CCDC3: variants seen among roughly 807,000 people sequenced by gnomAD.
The protein encoded by CCDC3 is coiled-coil domain-containing protein 3.
A neutral mutation model predicts 21.4 loss-of-function variants in CCDC3; 24 were observed. That is an observed-to-expected ratio of 1.12 (90% CI 0.81 to 1.58). The LOEUF (loss-of-function observed/expected upper bound fraction) is 1.58. Among genes scored for constraint, CCDC3 ranks in the 40% most tolerant of loss-of-function variants. The pLI is 0.00. For synonymous variants in CCDC3, 186 were observed against 166.0 expected, an observed-to-expected ratio of 1.12 and a Z score of -0.93; for missense variants, 425 against 360.9, an observed-to-expected ratio of 1.18 and a Z score of -1.44.
rs761186966 is a variant in CCDC3 at position 12,898,518 on chromosome 10, G to C, written c.711C>G (p.His237Gln). The C allele has an allele frequency of 6.2e-7, 1 of 1,614,164 alleles. No homozygotes were observed. The highest frequency in any genetic ancestry group is 8.5e-7 in the Non-Finnish European group (1 of 1,180,010). ...TGAGTTTCTGGTTCGCCAGCTCCAGGTGGCGGCCCTTCTTACGCGCCTGCC... is the reference window on the plus strand; with the variant it reads ...TGAGTTTCTGGTTCGCCAGCTCCAGCTGGCGGCCCTTCTTACGCGCCTGCC... ...SLRQARKKGR[H>Q]LELANQKLSE... Residue 237 changes from histidine (H) to glutamine (Q), a missense_variant, in exon 3 of 3, where the codon CAC becomes CAG. Physicochemically the swap from His to Gln is conservative, Grantham distance 24. Coordinates refer to ENST00000378825, the MANE Select transcript of CCDC3 (RefSeq NM_031455.4).
chr10:13,044,318 G>A (rs947757390), intron 5 of CCDC3, among the ~76,000 whole-genome samples: 2 of 152,176 alleles, frequency 1.3e-5, no homozygotes, highest in African/African-American at 4.8e-5. Context: ...TGTTTATTAT[G>A]TTAATAGTTT....
intron 2 of CCDC3, among the ~76,000 whole-genome samples, chr10:12,993,399 A>C (rs755365690): frequency 1.3e-4 from 20 of 152,172 alleles, no homozygotes; most frequent in Non-Finnish European, 2.1e-4. Context: ...AGCTTAGAGA[A>C]GGGTAACACC....
chr10:13,094,575 T>C (rs1260335138), intron 3 of CCDC3, among the ~76,000 whole-genome samples: 2 of 151,812 alleles, frequency 1.3e-5, no homozygotes, highest in Non-Finnish European at 2.9e-5. Context: ...TTTTTAAACA[T>C]GAGGCAGGCC....
In CCDC3 at chr10:12,953,069, G is replaced by A. The variant is rs773303910; in HGVS notation, c.549+45269C>T. Among the ~76,000 whole-genome samples the A allele has an allele frequency of 5.4e-5, 8 of 147,054 alleles. 1 individual carries two copies. The highest frequency in any genetic ancestry group is 4.4e-4 in the South Asian group (2 of 4,506). ...TCACACTGCTGATAAAGACGTACCC[G>A]AGACTGGGTAATTTATACAGGAAAA... On this transcript the variant is annotated intron_variant, in intron 2 of 2. Coordinates refer to ENST00000378825, the MANE Select transcript of CCDC3 (RefSeq NM_031455.4).
intron 5 of CCDC3, among the ~76,000 whole-genome samples, chr10:13,041,796 G>A (rs370151715): frequency 5.9e-5 from 9 of 151,540 alleles, no homozygotes; most frequent in East Asian, 5.8e-4. Context: ...CCCTGGCAGC[G>A]AATCTTGATG....
chr10:12,978,249 C>T (rs951057885), intron 2 of CCDC3, among the ~76,000 whole-genome samples: 4 of 151,988 alleles, frequency 2.6e-5, no homozygotes, highest in African/African-American at 9.7e-5. Context: ...AAACTCCTGA[C>T]CTCAGGTGAT....
At chr10:12,948,725 G>A (rs1365747900) in intron 2 of CCDC3, among the ~76,000 whole-genome samples, 2 of 100,996 alleles carry the variant, frequency 2.0e-5, no homozygotes, top group Non-Finnish European at 3.8e-5. Context: ...CATTTTTAAG[G>A]CAGTTTTTTT....
chr10:12,937,346 G>A (rs905160859), intron 2 of CCDC3, among the ~76,000 whole-genome samples: 5 of 152,154 alleles, frequency 3.3e-5, no homozygotes, highest in African/African-American at 1.2e-4. Flanking sequence ...CCTACGTAGA[G>A]CATTTCCTTT....
chr10:13,024,590 T>C (rs992500139), intron 5 of CCDC3, among the ~76,000 whole-genome samples: 3 of 152,194 alleles, frequency 2.0e-5, no homozygotes, highest in Non-Finnish European at 4.4e-5. Flanking sequence ...AGACTAGGAA[T>C]GAAAAACAAT....
intron 2 of CCDC3, among the ~76,000 whole-genome samples, chr10:12,980,480 C>G (rs1835480047): frequency 6.6e-6 from 1 of 152,146 alleles, no homozygotes; most frequent in African/African-American, 2.4e-5. Flanking sequence ...AAGGGGAGAG[C>G]TGAATCTGCT....
chr10:12,943,893 G>A (rs578051629), intron 2 of CCDC3, among the ~76,000 whole-genome samples: 23 of 152,136 alleles, frequency 1.5e-4, no homozygotes, highest in Non-Finnish European at 2.9e-4. Context: ...TGATTTCCTT[G>A]GCATGAGATG....
chr10:12,906,155 G>A (rs1051347946), intron 2 of CCDC3, among the ~76,000 whole-genome samples: 1 of 152,212 alleles, frequency 6.6e-6, no homozygotes, highest in East Asian at 1.9e-4. Flanking sequence ...GACCACACTG[G>A]AGGATGCCCA....
intron 2 of CCDC3, among the ~76,000 whole-genome samples, chr10:12,980,245 C>T (rs1286899633): frequency 6.6e-6 from 1 of 152,170 alleles, no homozygotes; most frequent in African/African-American, 2.4e-5. Flanking sequence ...ATGGCTCTGC[C>T]AGGTGTCACA....
At chr10:13,029,422 C>T (rs759581940) in intron 5 of CCDC3, among the ~76,000 whole-genome samples, 11 of 152,244 alleles carry the variant, frequency 7.2e-5, no homozygotes, top group South Asian at 4.1e-4. Flanking sequence ...AAAACCGGAA[C>T]GCCTCTTCTC....
chr10:13,001,979 T>C (rs924514999), upstream of CCDC3, among the ~76,000 whole-genome samples: 2 of 152,228 alleles, frequency 1.3e-5, no homozygotes, highest in African/African-American at 4.8e-5. Flanking sequence ...TAAAGCCTGT[T>C]TGCAAACGCA....
At chr10:12,934,799 G>C (rs1834708819) in intron 2 of CCDC3, among the ~76,000 whole-genome samples, 2 of 151,520 alleles carry the variant, frequency 1.3e-5, no homozygotes, top group Admixed American at 6.6e-5. Context: ...ATGGCTTTCT[G>C]CGTCCCTTTA....
intron 2 of CCDC3, among the ~76,000 whole-genome samples, chr10:12,953,966 A>G (rs1038144867): frequency 6.6e-6 from 1 of 152,222 alleles, no homozygotes; most frequent in Non-Finnish European, 1.5e-5. Context: ...GACAAGGACA[A>G]TTAGTAAACA....
chr10:13,025,368 C>T (rs1187691514), intron 5 of CCDC3, among the ~76,000 whole-genome samples: 2 of 152,128 alleles, frequency 1.3e-5, no homozygotes, highest in Non-Finnish European at 2.9e-5. Context: ...CATCAGTCTT[C>T]CTAAAGTTGC....
intron 3 of CCDC3, among the ~76,000 whole-genome samples, chr10:13,093,806 G>T (rs1832602788): frequency 6.6e-6 from 1 of 152,120 alleles, no homozygotes; most frequent in Non-Finnish European, 1.5e-5. Flanking sequence ...CAAATCACTT[G>T]TACTTTCCTA....
Sources: gnomAD v4.1 joint callset for allele counts (sites outside exome capture counted in the v4.1 genomes callset) on GRCh38, gnomAD v4.1.1 for gene constraint, MANE v1.5 for transcripts, NCBI Gene and HGNC (gene_info 2026-07-23, HGNC 2026-07-21) for gene names.